Variants in FJX1 observed in about 807,000 individuals in gnomAD.
The protein encoded by FJX1 is four-jointed box kinase 1.
A neutral mutation model predicts 28.7 loss-of-function variants in FJX1; 21 were observed. The ratio of observed to expected loss-of-function variants is 0.73; its 90% CI spans 0.52 to 1.05. The LOEUF is 1.05. Ranked by LOEUF, FJX1 falls within the 50% of genes least tolerant of loss-of-function variation. FJX1 has a pLI of 0.00. For synonymous variants in FJX1, 363 were observed against 310.0 expected, an observed-to-expected ratio of 1.17 and a Z score of -1.80; for missense variants, 683 against 647.2, an observed-to-expected ratio of 1.06 and a Z score of -0.60.
Position 35,619,529 on chromosome 11 carries a change from T to G in FJX1, c.893T>G (p.Leu298Arg). The G allele has an allele frequency of 6.2e-7, 1 of 1,600,470 alleles. No individual in the cohort carries two copies. Among genetic ancestry groups the G allele is most frequent in the African/African-American group, 1.3e-5 (1 of 75,048 alleles). The change falls in exon 1 of 1, where the codon CTG (leucine) becomes CGG (arginine). Residue 298 changes from leucine to arginine, a missense_variant. Coordinates refer to ENST00000317811, the MANE Select transcript of FJX1 (RefSeq NM_014344.4). This position sits in a 1 kb window ranked among gnomAD's most constrained non-coding sequence, Gnocchi z 7.6. ...QWTDLILFDY[L>R]TANFDRLVSN... ...ACCGACTTAATCCTTTTCGACTACC[T>G]GACGGCCAACTTCGACCGGCTCGTA...
In FJX1 at chr11:35,619,869, G is replaced by C. The variant is rs1454843621; in HGVS notation, c.1233G>C (p.Gln411His). The part of the protein sequence containing the change: ...ELAALADPHA[Q>H]LLQRRLDFLA... The stretch of plus-strand genomic sequence containing the variant: ...CCGCCCTTGCAGACCCCCACGCTCA[G>C]CTGCTACAGCGCCGCCTCGACTTCC... Residue 411 changes from glutamine (Q) to histidine (H), a missense_variant, in exon 1 of 1, where the codon CAG becomes CAC. Coordinates refer to ENST00000317811, the MANE Select transcript of FJX1 (RefSeq NM_014344.4). This position sits in a 1 kb window ranked among gnomAD's most constrained non-coding sequence, Gnocchi z 7.6. 7 of 1,565,200 alleles carry C rather than the reference G, an allele frequency of 4.5e-6. No individual in the cohort carries two copies. The African/African-American group carries it at 6.8e-5, about 15-fold the overall frequency.
Position 35,618,833 on chromosome 11 carries a change from C to T in FJX1, c.197C>T (p.Pro66Leu), listed in dbSNP as rs1204254386. 7.6e-6 allele frequency: 10 copies of T among 1,323,652 alleles called. No individual in the cohort carries two copies. Among genetic ancestry groups the T allele is most frequent in the Non-Finnish European group, 9.6e-6 (10 of 1,041,916 alleles). The allele number at this position is 1,323,652 out of a possible 1,614,324, so 82.0% of individuals were successfully genotyped here. Residue 66 changes from proline to leucine, a missense_variant, in exon 1 of 1, where the codon CCG becomes CTG. Transcript: ENST00000317811. This position sits in a 1 kb window ranked among gnomAD's most constrained non-coding sequence, Gnocchi z 4.2. ...CCCGCGCCTCGCTTCCCTCTGCCCC[C>T]GCCCCTGGCGTGGGACGCCCGCGGC... Reference protein sequence around the residue: ...PAPAPRFPLPPPLAWDARGGS... With the variant: ...PAPAPRFPLPLPLAWDARGGS...
chr11:35,618,752 C>G lies in FJX1; in HGVS notation c.116C>G (p.Ser39Cys), dbSNP rs1200726375. 4.7e-6 allele frequency: 6 copies of G among 1,263,738 alleles called. No homozygotes were observed. In the East Asian group the frequency reaches 1.1e-4, roughly 23 times the overall value. 78.3% of individuals were successfully genotyped at this position (1,263,738 alleles called of 1,614,324 possible). A position where few individuals can be genotyped will look rare whatever the true frequency, so the allele number is the denominator to read the frequency against. The part of the protein sequence containing the change: ...LLPPRTELPA[S>C]RPPEDRLPRR... ...CCGCCGCGGACCGAGCTGCCCGCCT[C>G]CCGGCCGCCCGAAGACCGACTCCCA... is the stretch of plus-strand genomic sequence containing the variant. The change falls in exon 1 of 1, where the codon TCC becomes TGC. Residue 39 changes from serine to cysteine, a missense_variant. Transcript: ENST00000317811. This position sits in a 1 kb window ranked among gnomAD's most constrained non-coding sequence, Gnocchi z 4.2.
Position 35,618,521 on chromosome 11 carries a change from G to A in FJX1, c.-116G>A, listed in dbSNP as rs890674266. 7.2e-5 allele frequency: 72 copies of A among 1,000,508 alleles called. No individual in the cohort carries two copies. Among genetic ancestry groups the A allele is most frequent in the Non-Finnish European group, 8.3e-5 (69 of 826,718 alleles). The allele number at this position is 1,000,508 out of a possible 1,614,324, so 62.0% of individuals were successfully genotyped here. ...CGCAGCGCCCCGCGGCCGCGATGGGGCCGAAGCGCCCGAAGCCCCGGAGCC... is the reference window on the plus strand; with the variant it reads ...CGCAGCGCCCCGCGGCCGCGATGGGACCGAAGCGCCCGAAGCCCCGGAGCC... On this transcript the variant is annotated 5_prime_UTR_variant, in exon 1 of 1. Coordinates refer to ENST00000317811, the MANE Select transcript of FJX1 (RefSeq NM_014344.4). This position sits in a 1 kb window ranked among gnomAD's most constrained non-coding sequence, Gnocchi z 4.2.
chr11:35,619,482 G>C lies in FJX1; in HGVS notation c.846G>C (p.Glu282Asp), dbSNP rs1206009457. The stretch of plus-strand genomic sequence containing the variant: ...AGCTGGCCAACCTCAGCCAGGCGGA[G>C]CTGGTGGACCTAGTACAATGGACCG... ...GGELANLSQA[E>D]LVDLVQWTDL... is the part of the protein sequence containing the mutation. Residue 282 changes from glutamate (E) to aspartate (D), a missense_variant, in exon 1 of 1, where the codon GAG (glutamate) becomes GAC (aspartate). Transcript: ENST00000317811. This position sits in a 1 kb window ranked among gnomAD's most constrained non-coding sequence, Gnocchi z 7.6. The C allele has an allele frequency of 1.3e-6, 2 of 1,599,240 alleles. No homozygotes were observed. Among genetic ancestry groups the C allele is most frequent in the African/African-American group, 2.7e-5 (2 of 74,936 alleles).
In FJX1 at chr11:35,620,208, C is replaced by A; in HGVS notation, c.*258C>A. 1.7e-6 allele frequency: 1 copy of A among 585,830 alleles called. No individual in the cohort carries two copies. The highest frequency in any genetic ancestry group is 3.0e-6 in the Non-Finnish European group (1 of 336,882). The allele number at this position is 585,830 out of a possible 1,614,324, so 36.3% of individuals were successfully genotyped here. On this transcript the variant is annotated 3_prime_UTR_variant, in exon 1 of 1. Coordinates refer to ENST00000317811, the MANE Select transcript of FJX1 (RefSeq NM_014344.4). Reference sequence around the variant, plus strand: ...GCTTATAAAAGGATTCTTTACTGTGCCAGCACGGGGATTGGATCCGAAGAA... The same window carrying A: ...GCTTATAAAAGGATTCTTTACTGTGACAGCACGGGGATTGGATCCGAAGAA...
Position 35,619,415 on chromosome 11 carries a change from C to T in FJX1, c.779C>T (p.Ser260Leu), listed in dbSNP as rs768966225. The T allele has an allele frequency of 1.3e-6, 2 of 1,597,094 alleles. No individual in the cohort carries two copies. Among genetic ancestry groups the T allele is most frequent in the Admixed American group, 3.3e-5 (2 of 59,880 alleles). ...TDVVVPAPWR[S>L]EDGRLRPLRD... ...GTGGTGGTGCCCGCGCCCTGGCGCTCGGAGGACGGCCGTCTGCGCCCCCTC... is the reference window on the plus strand; with the variant it reads ...GTGGTGGTGCCCGCGCCCTGGCGCTTGGAGGACGGCCGTCTGCGCCCCCTC... Residue 260 changes from serine to leucine, a missense_variant, in exon 1 of 1, where the codon TCG becomes TTG. By Grantham distance (145) the Ser-to-Leu change is moderately radical. Coordinates refer to ENST00000317811, the MANE Select transcript of FJX1 (RefSeq NM_014344.4). The surrounding 1 kb of genome is among the most constrained non-coding windows in gnomAD (Gnocchi z 7.6).
Position 35,618,966 on chromosome 11 carries a change from C to T in FJX1, c.330C>T (p.Pro110=). 1 of 1,474,870 alleles carries T rather than the reference C, an allele frequency of 6.8e-7. No homozygotes were observed. Among genetic ancestry groups the T allele is most frequent in the South Asian group, 1.3e-5 (1 of 77,198 alleles). 91.4% of individuals were successfully genotyped at this position (1,474,870 alleles called of 1,614,324 possible). Residue 110 remains proline (P), a synonymous_variant, in exon 1 of 1, where the codon CCC becomes CCT. Coordinates refer to ENST00000317811, the MANE Select transcript of FJX1 (RefSeq NM_014344.4). This position sits in a 1 kb window ranked among gnomAD's most constrained non-coding sequence, Gnocchi z 4.2. ...EPRWHVSARQ[P]RPEESAAVHG... Reference sequence around the variant, plus strand: ...GGTGGCACGTGTCAGCCAGGCAGCCCCGGCCGGAGGAGAGCGCCGCGGTGC... The same window carrying T: ...GGTGGCACGTGTCAGCCAGGCAGCCTCGGCCGGAGGAGAGCGCCGCGGTGC...
rs1850868378 is a variant in FJX1 at position 35,619,442 on chromosome 11, G to A, written c.806G>A (p.Arg269Gln). 6.3e-7 allele frequency: 1 copy of A among 1,598,480 alleles called. No homozygotes were observed. ...GAGGACGGCCGTCTGCGCCCCCTCC[G>A]GGATGCCGGGGGTGAGCTGGCCAAC... Reference protein sequence around the residue: ...RSEDGRLRPLRDAGGELANLS... With the variant: ...RSEDGRLRPLQDAGGELANLS... Residue 269 changes from arginine to glutamine, a missense_variant, in exon 1 of 1, where the codon CGG becomes CAG. By Grantham distance (43) the Arg-to-Gln change is conservative. Transcript: ENST00000317811. This position sits in a 1 kb window ranked among gnomAD's most constrained non-coding sequence, Gnocchi z 7.6.
chr11:35,618,748 G>T lies in FJX1; in HGVS notation c.112G>T (p.Ala38Ser). Residue 38 changes from alanine (A) to serine (S), a missense_variant, in exon 1 of 1, where the codon GCC (alanine) becomes TCC (serine). By Grantham distance (99) the Ala-to-Ser change is moderately conservative. Transcript: ENST00000317811. This position sits in a 1 kb window ranked among gnomAD's most constrained non-coding sequence, Gnocchi z 4.2. ...GLLPPRTELPASRPPEDRLPR... is the reference protein window; with the variant it reads ...GLLPPRTELPSSRPPEDRLPR... The stretch of plus-strand genomic sequence containing the variant: ...CCTGCCGCCGCGGACCGAGCTGCCC[G>T]CCTCCCGGCCGCCCGAAGACCGACT... The T allele has an allele frequency of 8.0e-7, 1 of 1,256,554 alleles. No homozygotes were observed. The allele number at this position is 1,256,554 out of a possible 1,614,324, so 77.8% of individuals were successfully genotyped here.
At position 35,618,851 on chromosome 11, in the gene FJX1, C is replaced by T; in HGVS notation, c.215C>T (p.Ala72Val). The T allele has an allele frequency of 7.4e-7, 1 of 1,348,484 alleles. No individual in the cohort carries two copies. Among genetic ancestry groups the T allele is most frequent in the Non-Finnish European group, 9.5e-7 (1 of 1,054,926 alleles). The allele number at this position is 1,348,484 out of a possible 1,614,324, so 83.5% of individuals were successfully genotyped here. ...FPLPPPLAWD[A>V]RGGSLKTFRA... Reference sequence around the variant, plus strand: ...CTGCCCCCGCCCCTGGCGTGGGACGCCCGCGGCGGCTCCCTGAAAACTTTC... The same window carrying T: ...CTGCCCCCGCCCCTGGCGTGGGACGTCCGCGGCGGCTCCCTGAAAACTTTC... Residue 72 changes from alanine (A) to valine (V), a missense_variant, in exon 1 of 1, where the codon GCC becomes GTC. Transcript: ENST00000317811. The surrounding 1 kb of genome is among the most constrained non-coding windows in gnomAD (Gnocchi z 4.2).
rs1443811363 is a variant in FJX1 at position 35,620,431 on chromosome 11, G to C, written c.*481G>C. 4.4e-6 allele frequency: 1 copy of C among 229,140 alleles called. No homozygotes were observed. The highest frequency in any genetic ancestry group is 9.2e-6 in the Non-Finnish European group (1 of 108,850). The allele number at this position is 229,140 out of a possible 1,614,324, so 14.2% of individuals were successfully genotyped here. On this transcript the variant is annotated 3_prime_UTR_variant, in exon 1 of 1. Coordinates refer to ENST00000317811, the MANE Select transcript of FJX1 (RefSeq NM_014344.4). ...CATTGGCTGGTGGAGCCCCCTTCCT[G>C]TGTTCTCCCTTTGTTCCAGCGCCGC...
Position 35,618,727 on chromosome 11 carries a change from C to G in FJX1, c.91C>G (p.Pro31Ala). ...SLLALWGGLL[P>A]PRTELPASRP... ...GCTGGCGCTGTGGGGAGGGCTCCTGCCGCCGCGGACCGAGCTGCCCGCCTC... is the reference window on the plus strand; with the variant it reads ...GCTGGCGCTGTGGGGAGGGCTCCTGGCGCCGCGGACCGAGCTGCCCGCCTC... The change falls in exon 1 of 1, where the codon CCG becomes GCG. Residue 31 changes from proline to alanine, a missense_variant. Physicochemically the swap from Pro to Ala is conservative, Grantham distance 27. Coordinates refer to ENST00000317811, the MANE Select transcript of FJX1 (RefSeq NM_014344.4). This position sits in a 1 kb window ranked among gnomAD's most constrained non-coding sequence, Gnocchi z 4.2. 8.0e-7 allele frequency: 1 copy of G among 1,249,678 alleles called. No individual in the cohort carries two copies. Among genetic ancestry groups the G allele is most frequent in the Non-Finnish European group, 1.0e-6 (1 of 982,154 alleles). The allele number at this position is 1,249,678 out of a possible 1,614,324, so 77.4% of individuals were successfully genotyped here.
Position 35,619,454 on chromosome 11 carries a change from G to C in FJX1, c.818G>C (p.Gly273Ala). The change falls in exon 1 of 1, where the codon GGT becomes GCT. Residue 273 changes from glycine (G) to alanine (A), a missense_variant. Transcript: ENST00000317811. The surrounding 1 kb of genome is among the most constrained non-coding windows in gnomAD (Gnocchi z 7.6). The stretch of plus-strand genomic sequence containing the variant: ...CTGCGCCCCCTCCGGGATGCCGGGG[G>C]TGAGCTGGCCAACCTCAGCCAGGCG... ...GRLRPLRDAG[G>A]ELANLSQAEL... 1 of 1,598,912 alleles carries C rather than the reference G, an allele frequency of 6.3e-7. No individual in the cohort carries two copies. Among genetic ancestry groups the C allele is most frequent in the Non-Finnish European group, 8.5e-7 (1 of 1,179,630 alleles).
rs1244259042 is a variant in FJX1, at chr11:35,619,782, G to A, written c.1146G>A (p.Gln382=). Reference sequence around the variant, plus strand: ...GCGTCCTGGAGCTGCACCGCGGACAGGACGCCGCGGCCCGGCTGCTGCGCC... The same window carrying A: ...GCGTCCTGGAGCTGCACCGCGGACAAGACGCCGCGGCCCGGCTGCTGCGCC... ...ARRVLELHRG[Q]DAAARLLRLY... is the part of the protein sequence containing the mutation. Residue 382 remains glutamine, a synonymous_variant, in exon 1 of 1, where the codon CAG becomes CAA. Transcript: ENST00000317811. This position sits in a 1 kb window ranked among gnomAD's most constrained non-coding sequence, Gnocchi z 7.6. 3 of 1,550,770 alleles carry A rather than the reference G, an allele frequency of 1.9e-6. No homozygotes were observed. The highest frequency in any genetic ancestry group is 2.4e-5 in the South Asian group (2 of 84,276).
chr11:35,620,299 C>A lies in FJX1; in HGVS notation c.*349C>A, dbSNP rs1166435874. Reference sequence around the variant, plus strand: ...GGGAGATGCACCCCATTCTTGGGCCCCCCCTCATTCCCTTTCCGAAAAAGG... The same window carrying A: ...GGGAGATGCACCCCATTCTTGGGCCACCCCTCATTCCCTTTCCGAAAAAGG... On this transcript the variant is annotated 3_prime_UTR_variant, in exon 1 of 1. Coordinates refer to ENST00000317811, the MANE Select transcript of FJX1 (RefSeq NM_014344.4). 5.3e-6 allele frequency: 2 copies of A among 380,124 alleles called. No individual in the cohort carries two copies. Among genetic ancestry groups the A allele is most frequent in the Non-Finnish European group, 9.9e-6 (2 of 201,644 alleles). The allele number at this position is 380,124 out of a possible 1,614,324, so 23.5% of individuals were successfully genotyped here.
Position 35,619,406 on chromosome 11 carries a change from C to T in FJX1, c.770C>T (p.Pro257Leu), listed in dbSNP as rs747342329. 3.1e-6 allele frequency: 5 copies of T among 1,596,620 alleles called. No individual in the cohort carries two copies. The Admixed American group carries it at 8.4e-5, about 27-fold the overall frequency. The change falls in exon 1 of 1, where the codon CCC becomes CTC. Residue 257 changes from proline to leucine, a missense_variant. Transcript: ENST00000317811. The surrounding 1 kb of genome is among the most constrained non-coding windows in gnomAD (Gnocchi z 7.6). ...CTCACGGACGTGGTGGTGCCCGCGC[C>T]CTGGCGCTCGGAGGACGGCCGTCTG... is the stretch of plus-strand genomic sequence containing the variant. Reference protein sequence around the residue: ...PNLTDVVVPAPWRSEDGRLRP... With the variant: ...PNLTDVVVPALWRSEDGRLRP...
rs1850881648 is a variant in FJX1, at chr11:35,620,047, C to T, written c.*97C>T. On this transcript the variant is annotated 3_prime_UTR_variant, in exon 1 of 1. Coordinates refer to ENST00000317811, the MANE Select transcript of FJX1 (RefSeq NM_014344.4). ...CCACTGTCAGGGACCAGCCGGCCAA[C>T]GCCCACCCGCAAAGGTGTCTAAAAA... 2.7e-6 allele frequency: 4 copies of T among 1,508,178 alleles called. No individual in the cohort carries two copies. In the South Asian group the frequency reaches 5.1e-5, roughly 19 times the overall value. 93.4% of individuals were successfully genotyped at this position (1,508,178 alleles called of 1,614,324 possible). A position where few individuals can be genotyped will look rare whatever the true frequency, so the allele number is the denominator to read the frequency against.
chr11:35,620,809 TGTG>T lies in FJX1; in HGVS notation c.*863_*865del, dbSNP rs1030477004. The T allele has an allele frequency of 7.2e-5, 12 of 167,082 alleles. No individual in the cohort carries two copies. The highest frequency in any genetic ancestry group is 2.9e-4 in the African/African-American group (12 of 41,452). The allele number at this position is 167,082 out of a possible 1,614,324, so 10.3% of individuals were successfully genotyped here. On this transcript the variant is annotated 3_prime_UTR_variant, in exon 1 of 1. Transcript: ENST00000317811. Reference sequence around the variant, plus strand: ...CTTCTCTGTATATATGTGCATAAAGTGTGGTGTAAATATACTAAACAAACTTAT... The same window carrying T: ...CTTCTCTGTATATATGTGCATAAAGTGTGTAAATATACTAAACAAACTTAT...
Sources: allele counts gnomAD v4.1 joint callset, GRCh38; gene constraint gnomAD v4.1.1; non-coding constraint Gnocchi (gnomAD v3.1); transcripts MANE v1.5; gene names NCBI Gene and HGNC (gene_info 2026-07-23, HGNC 2026-07-21).